The following CFAP46 variants were observed in gnomAD, a reference collection of about 807,000 sequenced individuals.
The protein encoded by CFAP46 is cilia and flagella associated protein 46.
CFAP46 carries 245 observed loss-of-function variants against 325.7 expected under a neutral mutation model. The ratio of observed to expected loss-of-function variants is 0.75; its 90% CI spans 0.68 to 0.84. CFAP46 has a LOEUF of 0.84. Among genes scored for constraint, CFAP46 ranks in the 40% least tolerant of loss-of-function variants. The pLI is 0.00. For synonymous variants in CFAP46, 1,523 were observed against 1,495.9 expected, an observed-to-expected ratio of 1.02 and a Z score of -0.42; for missense variants, 3,346 against 3,543.0, an observed-to-expected ratio of 0.94 and a Z score of 1.41.
In CFAP46 at chr10:132,834,657, G is replaced by T. The variant is rs2135004335; in HGVS notation, c.6863C>A (p.Ala2288Asp). The T allele has an allele frequency of 6.2e-7, 1 of 1,613,294 alleles. No individual in the cohort carries two copies. The highest frequency in any genetic ancestry group is 1.3e-5 in the African/African-American group (1 of 75,060). The change falls in exon 48 of 58, where the codon GCC (alanine) becomes GAC (aspartate). Residue 2288 changes from alanine to aspartate, a missense_variant. Coordinates refer to ENST00000368586, the MANE Select transcript of CFAP46 (RefSeq NM_001200049.3). ...PLFPLLSLSK[A>D]RVQTPAVVAD... ...GCCTCAACGTCATCCCCAGTACCTG[G>T]CCTTGGAGAGGCTGAGCAGGGGGAA...
chr10:132,810,422 C>G lies in CFAP46; in HGVS notation c.7651G>C (p.Gly2551Arg). 6.2e-7 allele frequency: 1 copy of G among 1,613,496 alleles called. No homozygotes were observed. The highest frequency in any genetic ancestry group is 8.5e-7 in the Non-Finnish European group (1 of 1,179,978). The change falls in exon 57 of 58, where the codon GGC (glycine) becomes CGC (arginine). Residue 2551 changes from glycine (G) to arginine (R), a missense_variant. Transcript: ENST00000368586. The stretch of plus-strand genomic sequence containing the variant: ...CCCCTCCCTTACCTTGGTTCACCGC[C>G]TCGTCGCCACTCATCTTCTGAAGGA... Reference protein sequence around the residue: ...ASPSEDEWRRGGEPRRGFSDL... With the variant: ...ASPSEDEWRRRGEPRRGFSDL...
intron 17 of CFAP46, among the ~76,000 whole-genome samples, chr10:132,913,849 C>T (rs1318878997): frequency 7.2e-5 from 11 of 151,770 alleles, no homozygotes; most frequent in African/African-American, 1.7e-4. Flanking sequence ...AGCCCCCCGC[C>T]GGCCTGCGCG....
rs1847723325 is a variant in CFAP46, at chr10:132,817,866, T to A, written c.7118-2952A>T. On this transcript the variant is annotated intron_variant, in intron 50 of 57. Transcript: ENST00000368586. The surrounding 1 kb of genome is among the most constrained non-coding windows in gnomAD (Gnocchi z 4.4). ...TCCGAATGGGGTCACTGGGTCACAG[T>A]GAACGGCGTCGGCCGCGCTCTGCCT... is the stretch of plus-strand genomic sequence containing the variant. Among the ~76,000 whole-genome samples, 1 of 152,216 alleles carries A rather than the reference T, an allele frequency of 6.6e-6. No individual in the cohort carries two copies. Among genetic ancestry groups the A allele is most frequent in the Admixed American group, 6.5e-5 (1 of 15,288 alleles).
intron 43 of CFAP46, 79 bp from the exon 44 acceptor site, chr10:132,846,306 C>A: frequency 6.7e-7 from 1 of 1,486,086 alleles, no homozygotes. Context: ...GGGTGCGCAG[C>A]AGCTGCAGCC....
chr10:132,912,804 C>G lies in CFAP46; in HGVS notation c.2350G>C (p.Val784Leu). The change falls in exon 19 of 58, where the codon GTG becomes CTG. Residue 784 changes from valine (V) to leucine (L), a missense_variant. Coordinates refer to ENST00000368586, the MANE Select transcript of CFAP46 (RefSeq NM_001200049.3). ...TGHSGDPVMLVTLCNTLARGL... is the reference protein window; with the variant it reads ...TGHSGDPVMLLTLCNTLARGL... ...CGCGCCAAGGTGTTGCAGAGCGTCA[C>G]CAGCATCACGGGGTCCCTGGGAGAC... 6.5e-7 allele frequency: 1 copy of G among 1,549,176 alleles called. No individual in the cohort carries two copies. Among genetic ancestry groups the G allele is most frequent in the Non-Finnish European group, 8.7e-7 (1 of 1,146,616 alleles).
intron 11 of CFAP46, among the ~76,000 whole-genome samples, chr10:132,923,729 G>A (rs1487201661): frequency 6.6e-6 from 1 of 152,218 alleles, no homozygotes; most frequent in Non-Finnish European, 1.5e-5. Flanking sequence ...GTCGAAGGAA[G>A]GCCCAGCAGG....
At chr10:132,867,591 A>G (rs1002514600) in intron 33 of CFAP46, 84 bp from the exon 34 acceptor site, 2 of 1,469,676 alleles carry the variant, frequency 1.4e-6, no homozygotes, top group African/African-American at 2.8e-5. Context: ...AACGCAAACG[A>G]AAACAGCCAC....
Position 132,861,786 on chromosome 10 carries a change from A to G in CFAP46, c.4891-804T>C, listed in dbSNP as rs370058232. 2.1e-3 allele frequency among the ~76,000 whole-genome samples: 319 copies of G among 152,276 alleles called. 1 individual carries two copies. Among genetic ancestry groups the G allele is most frequent in the Non-Finnish European group, 3.7e-3 (255 of 68,014 alleles). On this transcript the variant is annotated intron_variant, in intron 35 of 57. Transcript: ENST00000368586. ...CCATGTATCACTTTCTGGCCAAACA[A>G]GAGGCTCTGTGTGCTCGTTTGGACC...
chr10:132,852,920 A>G (rs7095353), intron 39 of CFAP46, among the ~76,000 whole-genome samples: 104,333 of 152,224 alleles, frequency 0.69, 36,787 homozygotes, highest in African/African-American at 0.84. Context: ...GCAACCTTAC[A>G]AAACTCAGCA....
chr10:132,915,852 G>A (rs1440712173), intron 17 of CFAP46, among the ~76,000 whole-genome samples: 1 of 152,170 alleles, frequency 6.6e-6, no homozygotes, highest in Admixed American at 6.5e-5. Flanking sequence ...TGATTACCCA[G>A]ATCTGATCAC....
rs949612818 is a variant in CFAP46 at position 132,828,336 on chromosome 10, C to T, written c.7117+5022G>A. 6.6e-6 allele frequency among the ~76,000 whole-genome samples: 1 copy of T among 152,196 alleles called. No individual in the cohort carries two copies. The highest frequency in any genetic ancestry group is 1.9e-4 in the East Asian group (1 of 5,194). On this transcript the variant is annotated intron_variant, in intron 50 of 57. Transcript: ENST00000368586. The surrounding 1 kb of genome is among the most constrained non-coding windows in gnomAD (Gnocchi z 4.9). ...TCCCACCAGCCGAGTATGAGGGTTC[C>T]GGTTCCACACCCTCCCAACACGCGC...
intron 45 of CFAP46, 106 bp downstream of exon 45, chr10:132,836,711 C>T (rs899547453): frequency 1.1e-6 from 1 of 933,302 alleles, no homozygotes; most frequent in South Asian, 1.4e-5. Flanking sequence ...AGTCCCAGGC[C>T]TCCCTGGGGT....
At chr10:132,899,497 A>C in intron 23 of CFAP46, 38 bp downstream of exon 23, 1 of 1,518,140 alleles carries the variant, frequency 6.6e-7, no homozygotes. Context: ...ACGGCCGGGG[A>C]GGGACAGAGC....
At chr10:132,931,901 G>A (rs1301430646) in intron 8 of CFAP46, among the ~76,000 whole-genome samples, 6 of 128,360 alleles carry the variant, frequency 4.7e-5, no homozygotes, top group African/African-American at 1.8e-4. Flanking sequence ...CCCACATAGA[G>A]CCTGGGCTTT....
intron 35 of CFAP46, among the ~76,000 whole-genome samples, chr10:132,864,494 T>G (rs1848778926): frequency 9.1e-6 from 1 of 109,558 alleles, no homozygotes; most frequent in Non-Finnish European, 1.8e-5. Context: ...TCTGTCCCCA[T>G]GCCTGAGACC....
chr10:132,822,001 GC>G, intron 50 of CFAP46, among the ~76,000 whole-genome samples: 1 of 135,020 alleles, frequency 7.4e-6, no homozygotes, highest in South Asian at 2.5e-4. Flanking sequence ...GCTTGTGTGT[GC>G]TGTGTGTGCT....
At position 132,939,269 on chromosome 10, in the gene CFAP46, G is replaced by A. The variant is rs1648592451; in HGVS notation, c.372-516C>T. Among the ~76,000 whole-genome samples, 1 of 152,194 alleles carries A rather than the reference G, an allele frequency of 6.6e-6. No individual in the cohort carries two copies. The highest frequency in any genetic ancestry group is 2.1e-4 in the South Asian group (1 of 4,832). On this transcript the variant is annotated intron_variant, in intron 4 of 57. Transcript: ENST00000368586. This position sits in a 1 kb window ranked among gnomAD's most constrained non-coding sequence, Gnocchi z 4.6. ...GAAGGTCAGGAAGATGGAGGAGAAGGGAGGAACCTTTGGGAAACAAAGTTC... is the reference window on the plus strand; with the variant it reads ...GAAGGTCAGGAAGATGGAGGAGAAGAGAGGAACCTTTGGGAAACAAAGTTC...
chr10:132,850,173 T>G, intron 41 of CFAP46, 71 bp downstream of exon 41: 1 of 1,459,570 alleles, frequency 6.9e-7, no homozygotes, highest in Non-Finnish European at 9.4e-7. Flanking sequence ...TCCTAAACAC[T>G]TCGCTTGTGT....
chr10:132,837,632 GACACAC>G (rs201327070), intron 44 of CFAP46, among the ~76,000 whole-genome samples: 1 of 98,306 alleles, frequency 1.0e-5, no homozygotes, highest in Non-Finnish European at 2.0e-5. Flanking sequence ...GACATGCACG[GACACAC>G]ACGCACACGT....
Sources: allele counts gnomAD v4.1 joint callset (sites outside exome capture counted in the v4.1 genomes callset), GRCh38; gene constraint gnomAD v4.1.1; non-coding constraint Gnocchi (gnomAD v3.1); transcripts MANE v1.5; gene names NCBI Gene and HGNC (gene_info 2026-07-23, HGNC 2026-07-21).